TFAP2D: variants seen among roughly 807,000 people sequenced by gnomAD.
TFAP2D encodes transcription factor AP-2-delta.
A neutral mutation model predicts 43.6 loss-of-function variants in TFAP2D; 9 were observed. The ratio of observed to expected loss-of-function variants is 0.21; its 90% CI spans 0.12 to 0.36. The LOEUF is 0.36. TFAP2D is among the 10% of genes least tolerant of loss of function. The pLI is 1.00. For missense variants in TFAP2D, 513 were observed against 561.4 expected (o/e 0.91, Z 0.87); for synonymous variants, 256 against 224.9 (o/e 1.14, Z -1.24).
chr6:50,728,886 T>C lies in TFAP2D; in HGVS notation c.629T>C (p.Leu210Ser). 1 of 1,614,038 alleles carries C rather than the reference T, an allele frequency of 6.2e-7. No homozygotes were observed. The highest frequency in any genetic ancestry group is 8.5e-7 in the Non-Finnish European group (1 of 1,179,916). ...GGTCVVNPTD[L>S]FCSVPGRLSL... is the part of the protein sequence containing the mutation. Reference sequence around the variant, plus strand: ...ACCTGTGTGGTCAACCCCACAGACTTATTTTGCTCTGTCCCTGGCCGTTTG... The same window carrying C: ...ACCTGTGTGGTCAACCCCACAGACTCATTTTGCTCTGTCCCTGGCCGTTTG... Residue 210 changes from leucine (L) to serine (S), a missense_variant, in exon 4 of 8, where the codon TTA becomes TCA. By Grantham distance (145) the Leu-to-Ser change is moderately radical. Transcript: ENST00000008391.
At chr6:50,756,212 C>T (rs556277321) in intron 7 of TFAP2D, among the ~76,000 whole-genome samples, 20 of 152,004 alleles carry the variant, frequency 1.3e-4, no homozygotes, top group South Asian at 1.2e-3. Context: ...ACTGTAATTT[C>T]GATAGAACCA....
Position 50,718,966 on chromosome 6 carries a change from A to G in TFAP2D, c.538-124A>G, listed in dbSNP as rs1768671089. 9.7e-6 allele frequency: 9 copies of G among 924,668 alleles called. No individual in the cohort carries two copies. In the South Asian group the frequency reaches 1.6e-4, roughly 16 times the overall value. The allele number at this position is 924,668 out of a possible 1,614,324, so 57.3% of individuals were successfully genotyped here. A position where few individuals can be genotyped will look rare whatever the true frequency, so the allele number is the denominator to read the frequency against. ...TTGCTGGCAAGCTTGCTTCAGCTCA[A>G]TGCTTGCTTTCAAATGTCTACTGAA... On this transcript the variant is annotated intron_variant, in intron 2 of 7. Coordinates refer to ENST00000008391, the MANE Select transcript of TFAP2D (RefSeq NM_172238.4).
In TFAP2D at chr6:50,720,183, G is replaced by A. The variant is rs889337843; in HGVS notation, c.598+1033G>A. On this transcript the variant is annotated intron_variant, in intron 3 of 7. Coordinates refer to ENST00000008391, the MANE Select transcript of TFAP2D (RefSeq NM_172238.4). ...CTGCAGTAACAGAACACTAAAAACT[G>A]AGTCTCTTCTGATGGGACCAAATAA... 2.6e-5 allele frequency among the ~76,000 whole-genome samples: 4 copies of A among 152,130 alleles called. No homozygotes were observed. In the South Asian group the frequency reaches 6.2e-4, roughly 24 times the overall value.
rs973787923 is a variant in TFAP2D, at chr6:50,713,618, G to A, written c.-438G>A. ...GTCGGTATAGAAAAGCATGATAAAGGTTGGAAAAAATGGATAAAAATGTTG... is the reference window on the plus strand; with the variant it reads ...GTCGGTATAGAAAAGCATGATAAAGATTGGAAAAAATGGATAAAAATGTTG... On this transcript the variant is annotated 5_prime_UTR_variant, in exon 1 of 8. Transcript: ENST00000008391. Among the ~76,000 whole-genome samples, 4 of 151,956 alleles carry A rather than the reference G, an allele frequency of 2.6e-5. No individual in the cohort carries two copies. The highest frequency in any genetic ancestry group is 1.9e-4 in the East Asian group (1 of 5,184).
chr6:50,768,273 C>CTTTTTTTT (rs67686384), intron 7 of TFAP2D, among the ~76,000 whole-genome samples: 2 of 77,282 alleles, frequency 2.6e-5, no homozygotes, highest in Non-Finnish European at 5.0e-5. Context: ...TTCTAATTTT[C>CTTTTTTTT]TTTTTTTTTT....
chr6:50,749,507 A>G (rs1769170183), intron 6 of TFAP2D, among the ~76,000 whole-genome samples: 3 of 151,928 alleles, frequency 2.0e-5, no homozygotes, highest in Non-Finnish European at 1.5e-5. Flanking sequence ...ATGGATCGTA[A>G]TGATGACCTA....
intron 2 of TFAP2D, among the ~76,000 whole-genome samples, 198 bp from the exon 3 acceptor site, chr6:50,718,892 T>C (rs1482951135): frequency 6.6e-6 from 1 of 152,214 alleles, no homozygotes; most frequent in Non-Finnish European, 1.5e-5. Context: ...TTAAGATTTA[T>C]ACAACTTTTA....
intron 4 of TFAP2D, 81 bp downstream of exon 4, chr6:50,729,102 C>A: frequency 6.2e-7 from 1 of 1,600,988 alleles, no homozygotes; most frequent in South Asian, 1.1e-5. Context: ...TGTCTTCCAT[C>A]TGATAGTGTA....
intron 2 of TFAP2D, 111 bp from the exon 3 acceptor site, chr6:50,718,979 A>G: frequency 9.6e-7 from 1 of 1,040,992 alleles, no homozygotes; most frequent in Non-Finnish European, 1.4e-6. Flanking sequence ...CTTGCTTTCA[A>G]ATGTCTACTG....
At chr6:50,731,489 C>T (rs998372486) in intron 5 of TFAP2D, among the ~76,000 whole-genome samples, 3 of 151,730 alleles carry the variant, frequency 2.0e-5, no homozygotes, top group African/African-American at 7.3e-5. Flanking sequence ...AGTTTTAGTA[C>T]TATGTACAAT....
intron 7 of TFAP2D, among the ~76,000 whole-genome samples, chr6:50,767,076 T>A (rs907788013): frequency 2.0e-5 from 3 of 152,190 alleles, no homozygotes; most frequent in African/African-American, 7.2e-5. Flanking sequence ...ATTATAACAG[T>A]TTTTCACAGA....
intron 3 of TFAP2D, among the ~76,000 whole-genome samples, chr6:50,726,897 G>T (rs1442991406): frequency 2.0e-5 from 3 of 152,202 alleles, no homozygotes; most frequent in Non-Finnish European, 2.9e-5. Flanking sequence ...AAGTACAGGA[G>T]AATTTGTTTT....
At chr6:50,748,143 A>G (rs960999328) in intron 6 of TFAP2D, among the ~76,000 whole-genome samples, 2 of 151,968 alleles carry the variant, frequency 1.3e-5, no homozygotes, top group Non-Finnish European at 2.9e-5. Context: ...CATAGCAAAC[A>G]TACGTAATAT....
At chr6:50,751,475 G>T (rs759166592) in intron 7 of TFAP2D, 151 bp downstream of exon 7, 1 of 532,998 alleles carries the variant, frequency 1.9e-6, no homozygotes, top group Non-Finnish European at 3.4e-6. Context: ...CTTAGACTGG[G>T]TAATTTATAA....
intron 1 of TFAP2D, among the ~76,000 whole-genome samples, chr6:50,714,837 G>A (rs1369100758): frequency 1.3e-5 from 2 of 152,096 alleles, no homozygotes; most frequent in African/African-American, 2.4e-5. Context: ...GTCTGTGCGT[G>A]TGTGTGCGTG....
chr6:50,741,614 A>G (rs956033682), intron 5 of TFAP2D, among the ~76,000 whole-genome samples: 1 of 151,992 alleles, frequency 6.6e-6, no homozygotes, highest in Non-Finnish European at 1.5e-5. Context: ...ATTCTATCCT[A>G]CTTCTAAAAT....
At chr6:50,747,626 AT>A (rs1436315534) in intron 6 of TFAP2D, among the ~76,000 whole-genome samples, 2 of 152,028 alleles carry the variant, frequency 1.3e-5, no homozygotes, top group African/African-American at 2.4e-5. Flanking sequence ...TACAATTCCT[AT>A]TTTCTTGGAG....
intron 7 of TFAP2D, among the ~76,000 whole-genome samples, chr6:50,764,993 T>G (rs1769421543): frequency 6.6e-6 from 1 of 152,176 alleles, no homozygotes. Context: ...TAATGCATTA[T>G]TCTTAACTAT....
chr6:50,772,865 C>T lies in TFAP2D; in HGVS notation c.*1C>T, dbSNP rs566237986. On this transcript the variant is annotated 3_prime_UTR_variant, in exon 8 of 8. Transcript: ENST00000008391. Reference sequence around the variant, plus strand: ...GGGCAAAACAGAAAAGACAGACTAGCTACATCAAACAGAATCTATTTCCAG... The same window carrying T: ...GGGCAAAACAGAAAAGACAGACTAGTTACATCAAACAGAATCTATTTCCAG... 3.1e-6 allele frequency: 5 copies of T among 1,609,196 alleles called. No homozygotes were observed. The highest frequency in any genetic ancestry group is 2.2e-5 in the East Asian group (1 of 44,528).
Sources: allele counts gnomAD v4.1 joint callset (sites outside exome capture counted in the v4.1 genomes callset), GRCh38; gene constraint gnomAD v4.1.1; transcripts MANE v1.5; gene names NCBI Gene and HGNC (gene_info 2026-07-23, HGNC 2026-07-21).